Variants in ELP3 observed in about 807,000 individuals in gnomAD.
The protein encoded by ELP3 is elongator acetyltransferase complex subunit 3.
In ELP3, 56 loss-of-function variants were observed where a neutral mutation model predicts 74.9. The ratio of observed to expected loss-of-function variants is 0.75; its 90% CI spans 0.60 to 0.93. The LOEUF (loss-of-function observed/expected upper bound fraction) is 0.93. ELP3 is among the 40% of genes least tolerant of loss of function. The probability of loss-of-function intolerance (pLI) is 0.00; values close to 1 mark genes in which losing one functional copy is unlikely to be tolerated. For missense variants in ELP3, 573 were observed against 686.5 expected (o/e 0.83, Z 1.85); for synonymous variants, 222 against 239.8 (o/e 0.93, Z 0.68).
chr8:28,091,149 G>A (rs751102433), upstream of ELP3, among the ~76,000 whole-genome samples: 5 of 151,760 alleles, frequency 3.3e-5, no homozygotes, highest in South Asian at 2.1e-4. Context: ...CTTGTGATCC[G>A]CCCACCTCGG....
Position 28,190,458 on chromosome 8 carries a change from C to T in ELP3, c.*733C>T, listed in dbSNP as rs1261606279. 6.6e-6 allele frequency: 1 copy of T among 152,214 alleles called. No homozygotes were observed. The highest frequency in any genetic ancestry group is 6.5e-5 in the Admixed American group (1 of 15,282). The allele number at this position is 152,214 out of a possible 1,614,324, so 9.4% of individuals were successfully genotyped here. ...AACTACAGAGCAGTGTGGGCAGCCC[C>T]AAGTGTGGTCCCCAGAGAGCGTTTG... is the stretch of plus-strand genomic sequence containing the variant. On this transcript the variant is annotated 3_prime_UTR_variant, in exon 15 of 15. Transcript: ENST00000256398.
rs141268281 is a variant in ELP3, at chr8:28,142,815, G to A, written c.1100+4924G>A. ...TTTTCTTATTTTTTATGTAGTTTTGGTGCTTTTAACTATGATATTTGTTGT... is the reference window on the plus strand; with the variant it reads ...TTTTCTTATTTTTTATGTAGTTTTGATGCTTTTAACTATGATATTTGTTGT... On this transcript the variant is annotated intron_variant, in intron 10 of 14. Coordinates refer to ENST00000256398, the MANE Select transcript of ELP3 (RefSeq NM_018091.6). 4.9e-3 allele frequency among the ~76,000 whole-genome samples: 749 copies of A among 151,976 alleles called. 5 individuals are homozygous for A. Among genetic ancestry groups the A allele is most frequent in the African/African-American group, 0.017 (699 of 41,464 alleles).
intron 7 of ELP3, among the ~76,000 whole-genome samples, chr8:28,124,671 G>A (rs570084466): frequency 5.3e-5 from 8 of 151,706 alleles, no homozygotes; most frequent in African/African-American, 1.9e-4. Flanking sequence ...CTACACGAGG[G>A]GACTACAAAA....
At chr8:28,090,903 C>CTTTTT (rs1563239681), upstream of ELP3, among the ~76,000 whole-genome samples, 10 of 53,144 alleles carry the variant, frequency 1.9e-4, 1 homozygote, top group Admixed American at 5.8e-4. Flanking sequence ...GTAAATGTTT[C>CTTTTT]CTTTTTTTTT....
At chr8:28,156,141 A>G (rs1813820450) in intron 11 of ELP3, 109 bp downstream of exon 11, 1 of 833,318 alleles carries the variant, frequency 1.2e-6, no homozygotes, top group Admixed American at 2.1e-5. Flanking sequence ...GGGTCAGGTC[A>G]GAAAGCTCCC....
chr8:28,123,794 C>T (rs1284009500), intron 7 of ELP3, among the ~76,000 whole-genome samples: 1 of 150,392 alleles, frequency 6.6e-6, no homozygotes, highest in Non-Finnish European at 1.5e-5. Context: ...TTCCGCATCC[C>T]TGGTCTTGCA....
At chr8:28,153,529 G>A (rs929380695) in intron 10 of ELP3, among the ~76,000 whole-genome samples, 2 of 152,200 alleles carry the variant, frequency 1.3e-5, no homozygotes, top group Non-Finnish European at 2.9e-5. Flanking sequence ...TAGGTAGGGA[G>A]GAAGTTTAAT....
At chr8:28,132,929 C>G (rs1461238249) in intron 9 of ELP3, among the ~76,000 whole-genome samples, 1 of 151,882 alleles carries the variant, frequency 6.6e-6, no homozygotes, top group African/African-American at 2.4e-5. Context: ...TTAGGTTTAT[C>G]TGTTTATGAT....
chr8:28,137,148 C>T (rs1255492153), intron 9 of ELP3, among the ~76,000 whole-genome samples: 2 of 152,110 alleles, frequency 1.3e-5, no homozygotes, highest in Non-Finnish European at 2.9e-5. Context: ...TGATCTCTGT[C>T]ACAACTTTTG....
rs752718180 is a variant in ELP3, at chr8:28,137,746, C to T, written c.955C>T (p.Pro319Ser). The change falls in exon 10 of 15, where the codon CCT (proline) becomes TCT (serine). Residue 319 changes from proline to serine, a missense_variant. Physicochemically the swap from Pro to Ser is moderately conservative, Grantham distance 74. Transcript: ENST00000256398. Reference sequence around the variant, plus strand: ...TCGTCCCGATGGGCTGAAACTCTATCCTACCCTGGTGATTCGTGGGACCGG... The same window carrying T: ...TCGTCCCGATGGGCTGAAACTCTATTCTACCCTGGTGATTCGTGGGACCGG... ...AFRPDGLKLY[P>S]TLVIRGTGLY... is the part of the protein sequence containing the mutation. 6.2e-7 allele frequency: 1 copy of T among 1,613,980 alleles called. No homozygotes were observed. The highest frequency in any genetic ancestry group is 8.5e-7 in the Non-Finnish European group (1 of 1,179,980).
chr8:28,095,407 T>A (rs1811213401), intron 1 of ELP3, among the ~76,000 whole-genome samples: 1 of 152,188 alleles, frequency 6.6e-6, no homozygotes, highest in African/African-American at 2.4e-5. Context: ...TAAAGAGACC[T>A]CCTCCTTTTT....
At chr8:28,111,916 T>A (rs1469329815) in intron 6 of ELP3, among the ~76,000 whole-genome samples, 1 of 152,190 alleles carries the variant, frequency 6.6e-6, no homozygotes, top group East Asian at 1.9e-4. Flanking sequence ...TTGATGAGTA[T>A]CTCTTGTAAA....
intron 8 of ELP3, among the ~76,000 whole-genome samples, chr8:28,130,396 T>C (rs1812744029): frequency 6.6e-6 from 1 of 152,042 alleles, no homozygotes; most frequent in Non-Finnish European, 1.5e-5. Flanking sequence ...ATTGGTGTTG[T>C]GCCAGGAGAA....
chr8:28,099,786 A>C, intron 2 of ELP3, 42 bp from the exon 3 acceptor site: 15 of 1,611,942 alleles, frequency 9.3e-6, no homozygotes, highest in Non-Finnish European at 1.3e-5. Flanking sequence ...GCTTGTCCTT[A>C]AATAACCGTA....
At position 28,190,941 on chromosome 8, in the gene ELP3, A is replaced by G. The variant is rs1749796449; in HGVS notation, c.*1216A>G. ...TTCAACCCGTGTGTGAAAGCAAAAC[A>G]ATGGAAAACAGGATTGGCTTCTTCA... On this transcript the variant is annotated 3_prime_UTR_variant, in exon 15 of 15. Transcript: ENST00000256398. 1 of 152,196 alleles carries G rather than the reference A, an allele frequency of 6.6e-6. No homozygotes were observed. The highest frequency in any genetic ancestry group is 2.4e-5 in the African/African-American group (1 of 41,436). The allele number at this position is 152,196 out of a possible 1,614,324, so 9.4% of individuals were successfully genotyped here.
intron 9 of ELP3, among the ~76,000 whole-genome samples, chr8:28,132,953 T>A (rs1442312919): frequency 6.6e-6 from 1 of 152,112 alleles, no homozygotes; most frequent in Non-Finnish European, 1.5e-5. Context: ...TTCCATGGAG[T>A]AGAATTATCA....
intron 7 of ELP3, among the ~76,000 whole-genome samples, chr8:28,126,734 T>C (rs1812591858): frequency 6.6e-6 from 1 of 152,192 alleles, no homozygotes; most frequent in Non-Finnish European, 1.5e-5. Context: ...GGCCATAAAG[T>C]GTCAGCACAG....
chr8:28,106,987 G>C (rs1358818433), intron 4 of ELP3, among the ~76,000 whole-genome samples: 1 of 152,166 alleles, frequency 6.6e-6, no homozygotes, highest in African/African-American at 2.4e-5. Flanking sequence ...AGTGGCTTAC[G>C]CCTATAATCC....
intron 5 of ELP3, among the ~76,000 whole-genome samples, chr8:28,110,084 G>A (rs1044979386): frequency 3.3e-5 from 5 of 152,194 alleles, no homozygotes; most frequent in African/African-American, 1.2e-4. Flanking sequence ...TCTGTGAGCA[G>A]AACACTTTGG....
Sources: allele counts gnomAD v4.1 joint callset (sites outside exome capture counted in the v4.1 genomes callset), GRCh38; gene constraint gnomAD v4.1.1; transcripts MANE v1.5; gene names NCBI Gene and HGNC (gene_info 2026-07-23, HGNC 2026-07-21).